Variants in FAM227B observed in about 807,000 individuals in gnomAD.
FAM227B encodes the protein protein FAM227B.
In FAM227B, 88 loss-of-function variants were observed where a neutral mutation model predicts 73.8. The observed-to-expected ratio is 1.19, with a 90% CI of 1.00 to 1.42. FAM227B has a LOEUF of 1.42. FAM227B is among the 40% of genes most tolerant of loss of function. The probability of loss-of-function intolerance (pLI) is 0.00; values close to 1 mark genes in which losing one functional copy is unlikely to be tolerated. For missense variants in FAM227B, 632 were observed against 590.9 expected, an observed-to-expected ratio of 1.07 and a Z score of -0.72; for synonymous variants, 210 against 190.5, an observed-to-expected ratio of 1.10 and a Z score of -0.84.
Position 49,371,342 on chromosome 15 carries a change from A to T in FAM227B, c.1070T>A (p.Ile357Lys). The change falls in exon 12 of 16, where the codon ATA (isoleucine) becomes AAA (lysine). Residue 357 changes from isoleucine (I) to lysine (K), a missense_variant. Coordinates refer to ENST00000299338, the MANE Select transcript of FAM227B (RefSeq NM_152647.3). The stretch of plus-strand genomic sequence containing the variant: ...TGATAATCTTGATTCTTCCTTGGAT[A>T]TGGGCAACGTATATGCTCTTGGGTT... ...LNNPRAYTLP[I>K]SKEESRLSRL... 1.2e-6 allele frequency: 2 copies of T among 1,604,236 alleles called. No individual in the cohort carries two copies. Among genetic ancestry groups the T allele is most frequent in the Non-Finnish European group, 1.7e-6 (2 of 1,173,180 alleles).
chr15:49,525,286 T>TA (rs2060080408), intron 10 of FAM227B, among the ~76,000 whole-genome samples: 1 of 152,138 alleles, frequency 6.6e-6, no homozygotes, highest in African/African-American at 2.4e-5. Context: ...CTGATGGTTT[T>TA]AAAAATGGGA....
At chr15:49,458,916 C>A (rs1353205674) in intron 11 of FAM227B, among the ~76,000 whole-genome samples, 3 of 151,968 alleles carry the variant, frequency 2.0e-5, no homozygotes, top group African/African-American at 7.2e-5. Flanking sequence ...TTATTTTTTA[C>A]GAGACTAGTT....
intron 3 of FAM227B, among the ~76,000 whole-genome samples, chr15:49,610,102 A>C (rs1267173900): frequency 1.3e-5 from 2 of 152,006 alleles, no homozygotes; most frequent in Non-Finnish European, 2.9e-5. Context: ...AATTTAAGCA[A>C]AGGGATAACA....
chr15:49,596,796 C>T (rs980804270), intron 3 of FAM227B, among the ~76,000 whole-genome samples: 2 of 151,742 alleles, frequency 1.3e-5, no homozygotes, highest in African/African-American at 4.8e-5. Flanking sequence ...CATGCAAATT[C>T]ACACCAAAAG....
chr15:49,502,628 G>C (rs1421680593), intron 11 of FAM227B, among the ~76,000 whole-genome samples: 1 of 152,196 alleles, frequency 6.6e-6, no homozygotes, highest in Non-Finnish European at 1.5e-5. Flanking sequence ...GACTTGCCTT[G>C]TTTTAGATGA....
At chr15:49,550,163 TCC>T in intron 9 of FAM227B, among the ~76,000 whole-genome samples, 1 of 73,840 alleles carries the variant, frequency 1.4e-5, no homozygotes, top group Non-Finnish European at 2.6e-5. Context: ...AGGGGGCTGA[TCC>T]CCCCACCTCC....
intron 10 of FAM227B, among the ~76,000 whole-genome samples, chr15:49,532,403 T>G (rs1414013666): frequency 6.6e-6 from 1 of 151,876 alleles, no homozygotes; most frequent in African/African-American, 2.4e-5. Flanking sequence ...AACTTTCAGC[T>G]CTGTAAGTTA....
chr15:49,599,782 A>T (rs1356072347), intron 3 of FAM227B, among the ~76,000 whole-genome samples: 1 of 152,134 alleles, frequency 6.6e-6, no homozygotes, highest in Non-Finnish European at 1.5e-5. Flanking sequence ...ACTTGATAAG[A>T]CTTCAATCTT....
At chr15:49,388,411 C>A (rs982195142) in intron 11 of FAM227B, among the ~76,000 whole-genome samples, 1 of 151,658 alleles carries the variant, frequency 6.6e-6, no homozygotes, top group Non-Finnish European at 1.5e-5. Flanking sequence ...TTAAATGGTG[C>A]TAGGAAAACT....
At chr15:49,587,402 A>T (rs2076232608) in intron 5 of FAM227B, among the ~76,000 whole-genome samples, 1 of 152,166 alleles carries the variant, frequency 6.6e-6, no homozygotes, top group Non-Finnish European at 1.5e-5. Flanking sequence ...TACCTGGGTG[A>T]CAAAATAATC....
intron 2 of FAM227B, among the ~76,000 whole-genome samples, chr15:49,612,729 A>G (rs879736494): frequency 6.6e-6 from 1 of 152,202 alleles, no homozygotes; most frequent in Non-Finnish European, 1.5e-5. Flanking sequence ...ATTAAAACAC[A>G]TATTTCATAT....
At chr15:49,604,183 C>CTTTAATG (rs1346714033) in intron 3 of FAM227B, among the ~76,000 whole-genome samples, 1 of 152,076 alleles carries the variant, frequency 6.6e-6, no homozygotes, top group African/African-American at 2.4e-5. Flanking sequence ...GAGTTCTATA[C>CTTTAATG]TTTAATGTTT....
At chr15:49,593,231 T>A (rs2076689098) in intron 3 of FAM227B, among the ~76,000 whole-genome samples, 1 of 152,112 alleles carries the variant, frequency 6.6e-6, no homozygotes. Context: ...AGCAGGTACC[T>A]CAGTCGGAAA....
chr15:49,415,418 G>A (rs949729931), intron 11 of FAM227B, among the ~76,000 whole-genome samples: 2 of 152,014 alleles, frequency 1.3e-5, no homozygotes, highest in Admixed American at 6.6e-5. Context: ...ACTTACTCAA[G>A]GAAATTGATT....
intron 11 of FAM227B, among the ~76,000 whole-genome samples, chr15:49,498,375 A>G (rs1024600262): frequency 1.3e-5 from 2 of 152,242 alleles, no homozygotes; most frequent in African/African-American, 4.8e-5. Flanking sequence ...TTACTCATTT[A>G]TGAGAGTAAG....
At chr15:49,464,892 G>A (rs1460212615) in intron 11 of FAM227B, among the ~76,000 whole-genome samples, 2 of 152,054 alleles carry the variant, frequency 1.3e-5, no homozygotes, top group South Asian at 2.1e-4. Flanking sequence ...AATGAATAAC[G>A]TAAGACATAC....
At chr15:49,533,261 T>C (rs1456215610) in intron 10 of FAM227B, among the ~76,000 whole-genome samples, 3 of 152,032 alleles carry the variant, frequency 2.0e-5, no homozygotes, top group Non-Finnish European at 4.4e-5. Context: ...TTAGCCTTCT[T>C]AAAGTGGTTA....
At chr15:49,493,006 T>A (rs1335997331) in intron 11 of FAM227B, among the ~76,000 whole-genome samples, 1 of 151,888 alleles carries the variant, frequency 6.6e-6, no homozygotes, top group Non-Finnish European at 1.5e-5. Flanking sequence ...CATATTTTAG[T>A]GGTGACTGTG....
At chr15:49,357,493 A>C (rs973857172) in intron 13 of FAM227B, among the ~76,000 whole-genome samples, 4 of 152,184 alleles carry the variant, frequency 2.6e-5, no homozygotes, top group African/African-American at 7.2e-5. Flanking sequence ...AGAAGAAATA[A>C]TGGATAAATT....
Sources: gnomAD v4.1 joint callset for allele counts (sites outside exome capture counted in the v4.1 genomes callset) on GRCh38, gnomAD v4.1.1 for gene constraint, MANE v1.5 for transcripts, NCBI Gene and HGNC (gene_info 2026-07-23, HGNC 2026-07-21) for gene names.